Variants in SORCS1 observed in about 807,000 individuals in gnomAD.
SORCS1 encodes the protein VPS10 domain-containing receptor SorCS1.
SORCS1 carries 60 observed loss-of-function variants against 146.1 expected under a neutral mutation model. That is an observed-to-expected ratio of 0.41 (90% CI 0.33 to 0.51). The LOEUF is 0.51. SORCS1 is among the 20% of genes least tolerant of loss of function. The pLI, the probability that SORCS1 is intolerant of heterozygous loss-of-function variation, is 0.21. For synonymous variants in SORCS1, 637 were observed against 584.0 expected (o/e 1.09, Z -1.31); for missense variants, 1,352 against 1,487.6 (o/e 0.91, Z 1.50).
At chr10:107,148,804 A>C (rs1968539565) in intron 1 of SORCS1, among the ~76,000 whole-genome samples, 1 of 152,176 alleles carries the variant, frequency 6.6e-6, no homozygotes, top group African/African-American at 2.4e-5. Context: ...CATTAAACCA[A>C]GGCTTAGGTG....
chr10:106,634,548 T>C (rs1848622533), intron 18 of SORCS1, among the ~76,000 whole-genome samples: 1 of 152,234 alleles, frequency 6.6e-6, no homozygotes, highest in Non-Finnish European at 1.5e-5. Context: ...TTCAGTTCAG[T>C]TCTCTTTGAG....
intron 24 of SORCS1, among the ~76,000 whole-genome samples, chr10:106,589,995 C>T (rs562056274): frequency 3.3e-5 from 5 of 152,178 alleles, no homozygotes; most frequent in Non-Finnish European, 7.4e-5. Context: ...TTATAATATA[C>T]TAGCATATTA....
rs1483491159 is a variant in SORCS1, at chr10:107,126,628, G to A, written c.558+37341C>T. On this transcript the variant is annotated intron_variant, in intron 1 of 25. Transcript: ENST00000263054. ...AGGAACCTTTCTCTGCATATTTGTGGAGAGTCTGTCTCCATGTCATCAGCT... is the reference window on the plus strand; with the variant it reads ...AGGAACCTTTCTCTGCATATTTGTGAAGAGTCTGTCTCCATGTCATCAGCT... Among the ~76,000 whole-genome samples, 4 of 152,052 alleles carry A rather than the reference G, an allele frequency of 2.6e-5. No individual in the cohort carries two copies. In the South Asian group the frequency reaches 6.2e-4, roughly 24 times the overall value.
intron 2 of SORCS1, among the ~76,000 whole-genome samples, chr10:106,923,207 C>A (rs558545302): frequency 6.6e-6 from 1 of 152,174 alleles, no homozygotes; most frequent in Non-Finnish European, 1.5e-5. Flanking sequence ...ACTTTCTTAC[C>A]GTCTCCGTAG....
At chr10:106,969,413 T>A (rs147290125) in intron 1 of SORCS1, among the ~76,000 whole-genome samples, 7 of 152,170 alleles carry the variant, frequency 4.6e-5, no homozygotes, top group African/African-American at 1.7e-4. Flanking sequence ...CAAAAAATAA[T>A]CTTAATATAT....
intron 2 of SORCS1, among the ~76,000 whole-genome samples, chr10:106,842,103 T>C (rs1016116116): frequency 6.6e-6 from 1 of 152,244 alleles, no homozygotes; most frequent in African/African-American, 2.4e-5. Context: ...CTCAGTGTTT[T>C]AGATTTTGCC....
rs184423729 is a variant in SORCS1, at chr10:106,971,879, C to T, written c.559-15299G>A. ...GAATTCCAGATTTTTCAGCTATTTC[C>T]TCTGAGACTCTCAAAATCTCTTCTT... On this transcript the variant is annotated intron_variant, in intron 1 of 25. Transcript: ENST00000263054. Among the ~76,000 whole-genome samples, 18 of 152,184 alleles carry T rather than the reference C, an allele frequency of 1.2e-4. No homozygotes were observed. In the East Asian group the frequency reaches 3.3e-3, roughly 28 times the overall value.
intron 6 of SORCS1, among the ~76,000 whole-genome samples, chr10:106,721,447 CACTG>C (rs55981433): frequency 0.8 from 121,419 of 151,700 alleles, 51,120 homozygotes; most frequent in Non-Finnish European, 0.94. Context: ...TTTTAAAGTT[CACTG>C]AAGAAGAAAT....
intron 3 of SORCS1, among the ~76,000 whole-genome samples, chr10:106,807,657 T>C (rs1168059455): frequency 1.3e-5 from 2 of 152,236 alleles, no homozygotes; most frequent in African/African-American, 4.8e-5. Context: ...CCAGAATCCA[T>C]TGCAAGTAAT....
intron 1 of SORCS1, among the ~76,000 whole-genome samples, chr10:107,085,297 C>A (rs977466147): frequency 5.9e-5 from 9 of 152,172 alleles, no homozygotes; most frequent in Non-Finnish European, 1.3e-4. Flanking sequence ...CATTTAAACA[C>A]AACAAATAAA....
At chr10:106,716,420 T>G (rs1423322777) in intron 6 of SORCS1, among the ~76,000 whole-genome samples, 1 of 152,212 alleles carries the variant, frequency 6.6e-6, no homozygotes, top group Non-Finnish European at 1.5e-5. Flanking sequence ...AAAACGGATG[T>G]TAAAAATCAG....
At chr10:106,745,383 C>T (rs1381218662) in intron 5 of SORCS1, among the ~76,000 whole-genome samples, 1 of 150,772 alleles carries the variant, frequency 6.6e-6, no homozygotes, top group Non-Finnish European at 1.5e-5. Flanking sequence ...CACACTCCAG[C>T]CTGGGCGACA....
At chr10:106,601,580 C>T (rs772512655) in intron 23 of SORCS1, among the ~76,000 whole-genome samples, 1 of 152,204 alleles carries the variant, frequency 6.6e-6, no homozygotes, top group Non-Finnish European at 1.5e-5. Context: ...TCATTGTCTT[C>T]TTCACACAAG....
intron 1 of SORCS1, among the ~76,000 whole-genome samples, chr10:107,134,608 C>T (rs1368716606): frequency 1.3e-5 from 2 of 152,026 alleles, no homozygotes; most frequent in Admixed American, 1.3e-4. Flanking sequence ...CACTGCACTC[C>T]AGCCTGGGCA....
At chr10:107,125,302 C>A (rs1442739408) in intron 1 of SORCS1, among the ~76,000 whole-genome samples, 1 of 152,066 alleles carries the variant, frequency 6.6e-6, no homozygotes, top group Non-Finnish European at 1.5e-5. Flanking sequence ...TCAGAAAGGC[C>A]TAGAAGTTTC....
intron 2 of SORCS1, among the ~76,000 whole-genome samples, chr10:106,917,707 A>G (rs1250303769): frequency 6.6e-6 from 1 of 152,188 alleles, no homozygotes; most frequent in Admixed American, 6.5e-5. Context: ...CCCTGCTGAG[A>G]AGCAGTGGAT....
intron 2 of SORCS1, among the ~76,000 whole-genome samples, chr10:106,937,781 C>T (rs1009979789): frequency 1.3e-5 from 2 of 151,810 alleles, no homozygotes; most frequent in Admixed American, 6.6e-5. Context: ...CTGGCCAACA[C>T]AGTGAAATCC....
In SORCS1 at chr10:106,595,577, G is replaced by A. The variant is rs74152219; in HGVS notation, c.3265+1774C>T. On this transcript the variant is annotated intron_variant, in intron 24 of 25. Coordinates refer to ENST00000263054, the MANE Select transcript of SORCS1 (RefSeq NM_052918.5). Reference sequence around the variant, plus strand: ...TAGTGGGATTGAAAAAACAACAAGAGCAATAAAATATTCTATGAAATCCAA... The same window carrying A: ...TAGTGGGATTGAAAAAACAACAAGAACAATAAAATATTCTATGAAATCCAA... 8.0e-3 allele frequency among the ~76,000 whole-genome samples: 1,224 copies of A among 152,112 alleles called. 20 individuals carry two copies. Among genetic ancestry groups the A allele is most frequent in the African/African-American group, 0.028 (1,163 of 41,486 alleles).
At chr10:107,175,575 A>G in the SORCS1 span, among the ~76,000 whole-genome samples, 12 of 152,000 alleles carry the variant, frequency 7.9e-5, no homozygotes, top group Admixed American at 6.6e-5. Flanking sequence ...AGCTGGGATT[A>G]CAGGTGTGTG....
Sources: allele counts gnomAD v4.1 joint callset (sites outside exome capture counted in the v4.1 genomes callset), GRCh38; gene constraint gnomAD v4.1.1; transcripts MANE v1.5; gene names NCBI Gene and HGNC (gene_info 2026-07-23, HGNC 2026-07-21).